The following NSD3 variants were observed in gnomAD, a reference collection of about 807,000 sequenced individuals.
The protein encoded by NSD3 is nuclear receptor binding SET domain protein 3.
In NSD3, 24 loss-of-function variants were observed where a neutral mutation model predicts 160.8. The ratio of observed to expected loss-of-function variants is 0.15; its 90% CI spans 0.11 to 0.21. NSD3 has a LOEUF of 0.21. Among genes scored for constraint, NSD3 ranks in the 10% least tolerant of loss-of-function variants. The pLI, the probability that NSD3 is intolerant of heterozygous loss-of-function variation, is 1.00. For synonymous variants in NSD3, 520 were observed against 600.0 expected (o/e 0.87, Z 1.95); for missense variants, 1,157 against 1,735.9 (o/e 0.67, Z 5.93).
chr8:38,338,411 C>A, intron 3 of NSD3, 125 bp downstream of exon 3: 1 of 763,040 alleles, frequency 1.3e-6, no homozygotes, highest in South Asian at 1.8e-5. Context: ...AGCTCCAAGA[C>A]TTATTTCAAT....
chr8:38,358,837 G>A (rs917049827), intron 1 of NSD3, among the ~76,000 whole-genome samples: 11 of 151,984 alleles, frequency 7.2e-5, no homozygotes, highest in African/African-American at 2.4e-4. Context: ...AAAGATCTCC[G>A]GGTGACAGCA....
rs1808782547 is a variant in NSD3 at position 38,283,591 on chromosome 8, T to C, written c.3502-2008A>G. Among the ~76,000 whole-genome samples, 5 of 151,990 alleles carry C rather than the reference T, an allele frequency of 3.3e-5. No individual in the cohort carries two copies. In the South Asian group the frequency reaches 1.0e-3, roughly 31 times the overall value. On this transcript the variant is annotated intron_variant, in intron 19 of 23. Coordinates refer to ENST00000317025, the MANE Select transcript of NSD3 (RefSeq NM_023034.2). The stretch of plus-strand genomic sequence containing the variant: ...AATCTTTTCTATTGATAAAAATAGA[T>C]TATAATAAGGGAAAAGAAATGAATG...
intron 7 of NSD3, among the ~76,000 whole-genome samples, chr8:38,325,816 C>G (rs1809895492): frequency 6.6e-6 from 1 of 150,736 alleles, no homozygotes; most frequent in Non-Finnish European, 1.5e-5. Context: ...ATGATCGTAC[C>G]ATTGTACTCC....
chr8:38,380,089 C>G (rs1250538446), intron 1 of NSD3, among the ~76,000 whole-genome samples: 1 of 152,170 alleles, frequency 6.6e-6, no homozygotes. Context: ...AACTGCATGC[C>G]TACTTCACAG....
intron 14 of NSD3, 126 bp downstream of exon 14, chr8:38,304,461 A>G: frequency 1.2e-6 from 1 of 824,144 alleles, no homozygotes; most frequent in South Asian, 2.3e-5. Context: ...ATTACAGTGG[A>G]ATTCTGCACT....
At chr8:38,361,754 CAAAAAAAAAAAAA>C (rs756700150) in intron 1 of NSD3, among the ~76,000 whole-genome samples, 3 of 31,170 alleles carry the variant, frequency 9.6e-5, no homozygotes, top group South Asian at 2.6e-3. Context: ...GACTCCGTCT[CAAAAAAAAAAAAA>C]AAAAAAAAAA....
intron 7 of NSD3, 44 bp downstream of exon 7, chr8:38,326,686 G>T: frequency 6.4e-7 from 1 of 1,569,384 alleles, no homozygotes; most frequent in Non-Finnish European, 8.6e-7. Flanking sequence ...ACAGAACAAG[G>T]ATTTCTCAAA....
chr8:38,309,649 G>T (rs1426391055), intron 12 of NSD3, among the ~76,000 whole-genome samples: 2 of 151,934 alleles, frequency 1.3e-5, no homozygotes, highest in Non-Finnish European at 2.9e-5. Flanking sequence ...CCAAAAAAAA[G>T]AAGTCAGTCC....
At chr8:38,355,052 T>C (rs951097611) in intron 1 of NSD3, among the ~76,000 whole-genome samples, 1 of 152,184 alleles carries the variant, frequency 6.6e-6, no homozygotes, top group African/African-American at 2.4e-5. Context: ...CGGCCAGCCT[T>C]CACGCAGCAG....
chr8:38,301,084 C>T (rs1809264567), intron 14 of NSD3, among the ~76,000 whole-genome samples: 1 of 152,154 alleles, frequency 6.6e-6, no homozygotes, highest in Non-Finnish European at 1.5e-5. Flanking sequence ...ATCCTACCAC[C>T]TCAACCTCCC....
chr8:38,330,907 T>G (rs1810041833), intron 5 of NSD3, among the ~76,000 whole-genome samples: 1 of 152,196 alleles, frequency 6.6e-6, no homozygotes, highest in Non-Finnish European at 1.5e-5. Flanking sequence ...GTGCCTCAAT[T>G]TCTTCATCTG....
chr8:38,370,810 C>T (rs1811228781), intron 1 of NSD3, among the ~76,000 whole-genome samples: 1 of 152,020 alleles, frequency 6.6e-6, no homozygotes, highest in South Asian at 2.1e-4. Context: ...TGAATTATAT[C>T]TCAATAAAAC....
At chr8:38,364,883 A>G (rs1811070932) in intron 1 of NSD3, among the ~76,000 whole-genome samples, 1 of 152,240 alleles carries the variant, frequency 6.6e-6, no homozygotes, top group African/African-American at 2.4e-5. Flanking sequence ...CACTAGGTGG[A>G]AATTTATTTT....
chr8:38,381,109 C>CT (rs1029923031), intron 1 of NSD3, among the ~76,000 whole-genome samples: 2 of 152,278 alleles, frequency 1.3e-5, no homozygotes, highest in Admixed American at 1.3e-4. Flanking sequence ...CTTCCTAACA[C>CT]TTTAACGACC....
At chr8:38,340,101 A>G (rs1810323819) in intron 2 of NSD3, among the ~76,000 whole-genome samples, 1 of 152,198 alleles carries the variant, frequency 6.6e-6, no homozygotes, top group Non-Finnish European at 1.5e-5. Context: ...TTCTGTAAAA[A>G]AAAAACCAAA....
intron 1 of NSD3, among the ~76,000 whole-genome samples, chr8:38,378,415 G>C (rs1217734999): frequency 6.6e-6 from 1 of 152,196 alleles, no homozygotes; most frequent in Admixed American, 6.5e-5. Context: ...GCCGAGGCGG[G>C]TGGATCACGA....
At chr8:38,312,096 A>G (rs894328484) in intron 12 of NSD3, among the ~76,000 whole-genome samples, 1 of 152,092 alleles carries the variant, frequency 6.6e-6, no homozygotes, top group African/African-American at 2.4e-5. Context: ...AAATCATTTG[A>G]CCATATATGC....
In NSD3 at chr8:38,316,420, C is replaced by T; in HGVS notation, c.1856-378G>A. 9.5e-7 allele frequency: 1 copy of T among 1,051,662 alleles called. No homozygotes were observed. The highest frequency in any genetic ancestry group is 1.1e-6 in the Non-Finnish European group (1 of 870,210). 65.1% of individuals were successfully genotyped at this position (1,051,662 alleles called of 1,614,324 possible). ...ACATAAAACCCAACACACTGTGTAG[C>T]TTACAAATATGGTTGCAGAGACATC... On this transcript the variant is annotated intron_variant, in intron 9 of 23. Coordinates refer to ENST00000317025, the MANE Select transcript of NSD3 (RefSeq NM_023034.2). The surrounding 1 kb of genome is among the most constrained non-coding windows in gnomAD (Gnocchi z 4.5).
At chr8:38,342,644 T>C (rs1810404461) in intron 2 of NSD3, among the ~76,000 whole-genome samples, 1 of 151,914 alleles carries the variant, frequency 6.6e-6, no homozygotes. Context: ...CTCGGCTCAC[T>C]ACAACCTCTG....
Sources: gnomAD v4.1 joint callset for allele counts (sites outside exome capture counted in the v4.1 genomes callset) on GRCh38, gnomAD v4.1.1 for gene constraint, Gnocchi (gnomAD v3.1) non-coding constraint, MANE v1.5 for transcripts, NCBI Gene and HGNC (gene_info 2026-07-23, HGNC 2026-07-21) for gene names.